The following RPP30 variants were observed in gnomAD, a reference collection of about 807,000 sequenced individuals.
The protein encoded by RPP30 is ribonuclease P protein subunit p30.
In RPP30, 36 loss-of-function variants were observed where a neutral mutation model predicts 38.6. The ratio of observed to expected loss-of-function variants is 0.93; its 90% CI spans 0.71 to 1.23. The LOEUF is 1.23. RPP30 is among the 50% of genes most tolerant of loss of function. The pLI, the probability that RPP30 is intolerant of heterozygous loss-of-function variation, is 0.00. For synonymous variants in RPP30, 126 were observed against 112.7 expected (o/e 1.12, Z -0.75); for missense variants, 321 against 321.7 (o/e 1.00, Z 0.02).
At chr10:90,893,806 T>TC (rs1940405457) in intron 6 of RPP30, among the ~76,000 whole-genome samples, 1 of 152,276 alleles carries the variant, frequency 6.6e-6, no homozygotes, top group African/African-American at 2.4e-5. Context: ...ATTGATCATC[T>TC]CCCCCACTAA....
At chr10:90,873,602 A>C (rs1846811824) in intron 1 of RPP30, among the ~76,000 whole-genome samples, 1 of 152,194 alleles carries the variant, frequency 6.6e-6, no homozygotes, top group Non-Finnish European at 1.5e-5. Context: ...GTAGTCTAGG[A>C]AAAAGTTTTG....
intron 1 of RPP30, 146 bp downstream of exon 1, chr10:90,872,214 T>G: frequency 1.4e-6 from 1 of 692,662 alleles, no homozygotes; most frequent in South Asian, 1.7e-5. Flanking sequence ...CGCCGAGGTG[T>G]TGGTCTGATT....
chr10:90,877,041 G>A (rs1188563699), intron 4 of RPP30, among the ~76,000 whole-genome samples: 2 of 152,182 alleles, frequency 1.3e-5, no homozygotes, highest in Non-Finnish European at 2.9e-5. Context: ...GATGTGCACA[G>A]TGGCTCATGC....
chr10:90,902,309 T>C, downstream of RPP30: 5 of 402,710 alleles, frequency 1.2e-5, no homozygotes, highest in Admixed American at 3.0e-5. Context: ...CCTTTGCCTC[T>C]TGGGCTCAAG....
chr10:90,901,011 TTG>T lies in RPP30; in HGVS notation c.*334_*335del. On this transcript the variant is annotated 3_prime_UTR_variant, in exon 11 of 11. Transcript: ENST00000371703. ...TCATTTTGTTTTTGAGATAGGGTCT[TTG>T]TTGCTCAGGCTGGAGTACAGTGGCA... 1 of 919,840 alleles carries T rather than the reference TTG, an allele frequency of 1.1e-6. No individual in the cohort carries two copies. The highest frequency in any genetic ancestry group is 4.2e-5 in the South Asian group (1 of 23,882). The allele number at this position is 919,840 out of a possible 1,614,324, so 57.0% of individuals were successfully genotyped here. A position where few individuals can be genotyped will look rare whatever the true frequency, so the allele number is the denominator to read the frequency against.
intron 2 of RPP30, 114 bp from the exon 3 acceptor site, chr10:90,875,444 G>T: frequency 1.3e-6 from 1 of 799,632 alleles, no homozygotes; most frequent in Non-Finnish European, 2.0e-6. Context: ...AAATCACCTT[G>T]CTTTCTTTTT....
At chr10:90,897,987 C>T (rs1039518264) in intron 10 of RPP30, among the ~76,000 whole-genome samples, 1 of 152,156 alleles carries the variant, frequency 6.6e-6, no homozygotes, top group Non-Finnish European at 1.5e-5. Context: ...ATTGTATTGA[C>T]TATGGTCACC....
intron 5 of RPP30, among the ~76,000 whole-genome samples, chr10:90,883,008 A>G (rs1241064057): frequency 6.6e-6 from 1 of 152,142 alleles, no homozygotes; most frequent in African/African-American, 2.4e-5. Flanking sequence ...TAATGAATCA[A>G]TGGAGGTAGG....
At chr10:90,885,637 A>G (rs756915739) in intron 5 of RPP30, among the ~76,000 whole-genome samples, 175 bp from the exon 6 acceptor site, 1 of 152,162 alleles carries the variant, frequency 6.6e-6, no homozygotes, top group Non-Finnish European at 1.5e-5. Context: ...CATTTAAACC[A>G]AACCTAAAAG....
In RPP30 at chr10:90,901,394, T is replaced by G; in HGVS notation, c.*715T>G. 2 of 984,324 alleles carry G rather than the reference T, an allele frequency of 2.0e-6. No individual in the cohort carries two copies. Among genetic ancestry groups the G allele is most frequent in the African/African-American group, 3.5e-5 (2 of 57,356 alleles). 61.0% of individuals were successfully genotyped at this position (984,324 alleles called of 1,614,324 possible). A position where few individuals can be genotyped will look rare whatever the true frequency, so the allele number is the denominator to read the frequency against. ...TTGAAGAAGTGACTTTAGTTCCTCT[T>G]GTTTTAAGCTTCTTTCATGTATTCA... On this transcript the variant is annotated 3_prime_UTR_variant, in exon 11 of 11. Transcript: ENST00000371703.
At chr10:90,885,747 C>G in intron 5 of RPP30, 65 bp from the exon 6 acceptor site, 3 of 954,902 alleles carry the variant, frequency 3.1e-6, no homozygotes, top group Non-Finnish European at 5.1e-6. Context: ...GAGTTTGACC[C>G]TATCTCCCAT....
chr10:90,872,020 G>T lies in RPP30; in HGVS notation c.34G>T (p.Gly12Cys). ...GTTTGCAGATTTGGACCTGCGAGCG[G>T]GTTCTGACCTGAAGGCTCTGCGCGG... is the stretch of plus-strand genomic sequence containing the variant. Reference protein sequence around the residue: ...AVFADLDLRAGSDLKALRGLV... With the variant: ...AVFADLDLRACSDLKALRGLV... Residue 12 changes from glycine to cysteine, a missense_variant, in exon 1 of 11, where the codon GGT (glycine) becomes TGT (cysteine). Gly to Cys is a radical substitution (Grantham distance 159, BLOSUM62 -3). Transcript: ENST00000371703. 5 of 1,614,180 alleles carry T rather than the reference G, an allele frequency of 3.1e-6. No individual in the cohort carries two copies. The highest frequency in any genetic ancestry group is 4.2e-6 in the Non-Finnish European group (5 of 1,180,026).
chr10:90,899,508 T>G lies in RPP30; in HGVS notation c.698-1062T>G, dbSNP rs561097064. Among the ~76,000 whole-genome samples the G allele has an allele frequency of 3.3e-5, 5 of 152,330 alleles. No homozygotes were observed. In the East Asian group the frequency reaches 7.7e-4, roughly 23 times the overall value. On this transcript the variant is annotated intron_variant, in intron 10 of 10. Transcript: ENST00000371703. ...TCTCTCTCTTTCTCCATAATCCCTTTCCATTTCTAAGGACAGAGTTTGGGT... is the reference window on the plus strand; with the variant it reads ...TCTCTCTCTTTCTCCATAATCCCTTGCCATTTCTAAGGACAGAGTTTGGGT...
At chr10:90,875,271 A>G (rs926314772) in intron 2 of RPP30, among the ~76,000 whole-genome samples, 1 of 152,196 alleles carries the variant, frequency 6.6e-6, no homozygotes, top group East Asian at 1.9e-4. Flanking sequence ...CTTAAACATT[A>G]CTAATAAGTA....
chr10:90,907,576 T>A (rs757189970), downstream of RPP30, among the ~76,000 whole-genome samples: 2 of 152,202 alleles, frequency 1.3e-5, no homozygotes, highest in Non-Finnish European at 2.9e-5. Context: ...TATGATCTTA[T>A]CCAAAATGGG....
rs896446994 is a variant in RPP30 at position 90,901,233 on chromosome 10, C to A, written c.*554C>A. 2.3e-6 allele frequency: 2 copies of A among 865,722 alleles called. No homozygotes were observed. Among genetic ancestry groups the A allele is most frequent in the Non-Finnish European group, 2.8e-6 (2 of 721,420 alleles). The allele number at this position is 865,722 out of a possible 1,614,324, so 53.6% of individuals were successfully genotyped here. On this transcript the variant is annotated 3_prime_UTR_variant, in exon 11 of 11. Coordinates refer to ENST00000371703, the MANE Select transcript of RPP30 (RefSeq NM_006413.5). ...AACTCCTAGGATCAAGCCATCCTCC[C>A]GCTTTGGCCTCCTAAAGTGCTGGGA...
At chr10:90,894,506 T>A (rs1376687235) in intron 6 of RPP30, among the ~76,000 whole-genome samples, 1 of 152,208 alleles carries the variant, frequency 6.6e-6, no homozygotes, top group Non-Finnish European at 1.5e-5. Flanking sequence ...GGGACTTTGT[T>A]CTTCTTAGCC....
At chr10:90,890,208 C>T (rs2120213747) in intron 6 of RPP30, among the ~76,000 whole-genome samples, 1 of 152,324 alleles carries the variant, frequency 6.6e-6, no homozygotes, top group Middle Eastern at 3.4e-3. Context: ...AGTTACTTTA[C>T]AGCAGAACTC....
chr10:90,899,912 C>T (rs1334025059), intron 10 of RPP30, among the ~76,000 whole-genome samples: 1 of 152,148 alleles, frequency 6.6e-6, no homozygotes, highest in African/African-American at 2.4e-5. Flanking sequence ...TAGTAGGTTT[C>T]TAGGAAAAAT....
Sources: allele counts gnomAD v4.1 joint callset (sites outside exome capture counted in the v4.1 genomes callset), GRCh38; gene constraint gnomAD v4.1.1; transcripts MANE v1.5; gene names NCBI Gene and HGNC (gene_info 2026-07-23, HGNC 2026-07-21).